ARF3: variants seen among roughly 807,000 people sequenced by gnomAD.
ARF3 encodes the protein ARF GTPase 3, also known as ADP-ribosylation factor 3.
A neutral mutation model predicts 19.3 loss-of-function variants in ARF3; 5 were observed. That is an observed-to-expected ratio of 0.26 (90% CI 0.14 to 0.54). The LOEUF is 0.54. ARF3 is among the 20% of genes least tolerant of loss of function. The probability of loss-of-function intolerance (pLI) is 0.95; values close to 1 mark genes in which losing one functional copy is unlikely to be tolerated. For synonymous variants in ARF3, 71 were observed against 89.2 expected (o/e 0.80, Z 1.15); for missense variants, 77 against 234.2 (o/e 0.33, Z 4.38).
At chr12:48,940,490 A>C (rs1450092631) in intron 2 of ARF3, among the ~76,000 whole-genome samples, 1 of 152,228 alleles carries the variant, frequency 6.6e-6, no homozygotes, top group Non-Finnish European at 1.5e-5. Flanking sequence ...AAGAAAGGGA[A>C]GTAAGCTGGC....
chr12:48,942,912 G>C (rs1940288343), intron 1 of ARF3, among the ~76,000 whole-genome samples: 1 of 152,158 alleles, frequency 6.6e-6, no homozygotes, highest in Non-Finnish European at 1.5e-5. Flanking sequence ...TTTGAGAACA[G>C]CCTAGCCAAC....
rs1244966933 is a variant in ARF3, at chr12:48,939,979, C to T, written c.259+18G>A. The T allele has an allele frequency of 3.7e-6, 6 of 1,610,962 alleles. No individual in the cohort carries two copies. Among genetic ancestry groups the T allele is most frequent in the Admixed American group, 3.3e-5 (2 of 59,994 alleles). ...TCTCTGCTCATACCCAACCAACCCA[C>T]GCTAGGCCTGAGCATACCTTGGGTG... On this transcript the variant is annotated intron_variant, in intron 3 of 4. Transcript: ENST00000256682. The surrounding 1 kb of genome is among the most constrained non-coding windows in gnomAD (Gnocchi z 4.8).
intron 1 of ARF3, among the ~76,000 whole-genome samples, chr12:48,944,343 G>A (rs1940319013): frequency 6.6e-6 from 1 of 152,264 alleles, no homozygotes; most frequent in African/African-American, 2.4e-5. Context: ...TTCTTTGCTC[G>A]GCTGTCATGC....
intron 1 of ARF3, among the ~76,000 whole-genome samples, chr12:48,952,666 A>C (rs778300291): frequency 1.9e-4 from 29 of 152,230 alleles, no homozygotes; most frequent in Non-Finnish European, 3.8e-4. Flanking sequence ...TAAACTGCTT[A>C]AACAGGAAGA....
rs1437236953 is a variant in ARF3, at chr12:48,957,380, G to C, written c.-164C>G. The stretch of plus-strand genomic sequence containing the variant: ...CGCAGGTTCCGCTCCGCTCCCTCTG[G>C]CTCCCCAAGCCGACTTCAGCCCGGC... On this transcript the variant is annotated 5_prime_UTR_variant, in exon 1 of 5. Coordinates refer to ENST00000256682, the MANE Select transcript of ARF3 (RefSeq NM_001659.3). 6.5e-6 allele frequency: 1 copy of C among 154,596 alleles called. No individual in the cohort carries two copies. The highest frequency in any genetic ancestry group is 1.4e-5 in the Non-Finnish European group (1 of 69,948). 9.6% of individuals were successfully genotyped at this position (154,596 alleles called of 1,614,324 possible).
chr12:48,953,220 C>T (rs542789244), intron 1 of ARF3: 7 of 152,186 alleles, frequency 4.6e-5, no homozygotes, highest in Admixed American at 3.9e-4. Flanking sequence ...TGATCCTTTT[C>T]CCTGTATCTG....
Position 48,941,171 on chromosome 12 carries a change from G to A in ARF3, c.-76C>T, listed in dbSNP as rs1940249556. On this transcript the variant is annotated 5_prime_UTR_variant, in exon 2 of 5. Transcript: ENST00000256682. ...GCAGTCTGGTTTTGGCCTGGTCCCTGGTATGGAAGACTTGATCCTAGACAA... is the reference window on the plus strand; with the variant it reads ...GCAGTCTGGTTTTGGCCTGGTCCCTAGTATGGAAGACTTGATCCTAGACAA... 3.4e-6 allele frequency: 5 copies of A among 1,460,708 alleles called. No individual in the cohort carries two copies. The East Asian group carries it at 9.8e-5, about 29-fold the overall frequency. The allele number at this position is 1,460,708 out of a possible 1,614,324, so 90.5% of individuals were successfully genotyped here. A position where few individuals can be genotyped will look rare whatever the true frequency, so the allele number is the denominator to read the frequency against.
At chr12:48,954,596 A>G (rs1450338314) in intron 1 of ARF3, among the ~76,000 whole-genome samples, 1 of 152,246 alleles carries the variant, frequency 6.6e-6, no homozygotes, top group African/African-American at 2.4e-5. Flanking sequence ...TAAAGAGAGA[A>G]GACAAGCAAT....
intron 1 of ARF3, among the ~76,000 whole-genome samples, chr12:48,943,055 C>G (rs959631419): frequency 6.6e-6 from 1 of 152,184 alleles, no homozygotes; most frequent in East Asian, 1.9e-4. Context: ...TGCAGTGAGC[C>G]GAGATCACGC....
chr12:48,946,424 G>A (rs1292776952), intron 1 of ARF3, among the ~76,000 whole-genome samples: 3 of 152,180 alleles, frequency 2.0e-5, no homozygotes, highest in Non-Finnish European at 2.9e-5. Context: ...TGTGTTTATA[G>A]GGCAAAATGC....
chr12:48,941,057 A>C lies in ARF3; in HGVS notation c.39T>G (p.Ile13Met). 1 of 1,613,870 alleles carries C rather than the reference A, an allele frequency of 6.2e-7. No individual in the cohort carries two copies. Among genetic ancestry groups the C allele is most frequent in the Non-Finnish European group, 8.5e-7 (1 of 1,179,928 alleles). ...TCAGGATGCGCATCTCCTTCTTCCC[A>C]ATCAGGCTCTTGAGAAGGTTTCCAA... ...NIFGNLLKSL[I>M]GKKEMRILMV... The change falls in exon 2 of 5, where the codon ATT becomes ATG. Residue 13 changes from isoleucine (I) to methionine (M), a missense_variant. Physicochemically the swap from Ile to Met is conservative, Grantham distance 10. Transcript: ENST00000256682.
intron 1 of ARF3, among the ~76,000 whole-genome samples, chr12:48,941,849 G>A (rs1940263155): frequency 6.6e-6 from 1 of 152,214 alleles, no homozygotes; most frequent in African/African-American, 2.4e-5. Context: ...ACAGTGCACT[G>A]GCAGTAGAGA....
rs769859579 is a variant in ARF3, at chr12:48,941,121, C to G, written c.-26G>C. 2 of 1,599,336 alleles carry G rather than the reference C, an allele frequency of 1.3e-6. No individual in the cohort carries two copies. The highest frequency in any genetic ancestry group is 1.7e-6 in the Non-Finnish European group (2 of 1,171,372). On this transcript the variant is annotated 5_prime_UTR_variant, in exon 2 of 5. Transcript: ENST00000256682. ...GATCACAGCAGCTGCTTTCTGGGGA[C>G]AGTGGGGCCCAAGTAGGGGCAGTGG...
Position 48,957,357 on chromosome 12 carries a change from C to A in ARF3, c.-141G>T, listed in dbSNP as rs1940591299. On this transcript the variant is annotated 5_prime_UTR_variant, in exon 1 of 5. Transcript: ENST00000256682. ...CGCTGCGGCCGCCGCCTCTGCCCCG[C>A]AGGTTCCGCTCCGCTCCCTCTGGCT... is the stretch of plus-strand genomic sequence containing the variant. 1 of 155,772 alleles carries A rather than the reference C, an allele frequency of 6.4e-6. No homozygotes were observed. Among genetic ancestry groups the A allele is most frequent in the Non-Finnish European group, 1.4e-5 (1 of 70,808 alleles). The allele number at this position is 155,772 out of a possible 1,614,324, so 9.6% of individuals were successfully genotyped here.
At chr12:48,956,903 AG>A (rs78675214) in intron 1 of ARF3, 49,507 of 151,940 alleles carry the variant, frequency 0.33, 9,095 homozygotes, top group Admixed American at 0.47. Context: ...AAGGTGGGGG[AG>A]GGAGAGGGAG....
intron 1 of ARF3, among the ~76,000 whole-genome samples, chr12:48,942,342 G>C (rs1940274009): frequency 6.6e-6 from 1 of 151,420 alleles, no homozygotes; most frequent in Non-Finnish European, 1.5e-5. Flanking sequence ...TAGCCTCCCA[G>C]GGCACTGGGA....
intron 1 of ARF3, among the ~76,000 whole-genome samples, chr12:48,948,229 G>T (rs1770823659): frequency 4.0e-5 from 6 of 150,152 alleles, no homozygotes; most frequent in Admixed American, 4.0e-4. Context: ...AAGAAAAAAA[G>T]ACCTAAGTTT....
In ARF3 at chr12:48,935,911, C is replaced by T. The variant is rs1259471891; in HGVS notation, c.*3036G>A. 2 of 152,194 alleles carry T rather than the reference C, an allele frequency of 1.3e-5. No homozygotes were observed. The highest frequency in any genetic ancestry group is 6.5e-5 in the Admixed American group (1 of 15,274). The allele number at this position is 152,194 out of a possible 1,614,324, so 9.4% of individuals were successfully genotyped here. A position where few individuals can be genotyped will look rare whatever the true frequency, so the allele number is the denominator to read the frequency against. On this transcript the variant is annotated 3_prime_UTR_variant, in exon 5 of 5. Coordinates refer to ENST00000256682, the MANE Select transcript of ARF3 (RefSeq NM_001659.3). ...ACAGTCTACCAACAGGTGAGAAATA[C>T]AGCTGATTTCAGGTTTAAACCCTTT...
chr12:48,942,751 T>C (rs576060410), intron 1 of ARF3, among the ~76,000 whole-genome samples: 1 of 152,354 alleles, frequency 6.6e-6, no homozygotes, highest in East Asian at 1.9e-4. Context: ...GGGTCTCTAC[T>C]GACTTTACTG....
Sources: allele counts gnomAD v4.1 joint callset (sites outside exome capture counted in the v4.1 genomes callset), GRCh38; gene constraint gnomAD v4.1.1; non-coding constraint Gnocchi (gnomAD v3.1); transcripts MANE v1.5; gene names NCBI Gene and HGNC (gene_info 2026-07-23, HGNC 2026-07-21).